GATA3: variants seen among roughly 807,000 people sequenced by gnomAD.
GATA3 encodes the protein trans-acting T-cell-specific transcription factor GATA-3.
A neutral mutation model predicts 36.0 loss-of-function variants in GATA3; 6 were observed. That is an observed-to-expected ratio of 0.17 (90% CI 0.09 to 0.33). The LOEUF is 0.33. Ranked by LOEUF, GATA3 falls within the 10% of genes least tolerant of loss-of-function variation. The pLI is 1.00. For synonymous variants in GATA3, 326 were observed against 273.0 expected, an observed-to-expected ratio of 1.19 and a Z score of -1.92; for missense variants, 514 against 610.1, an observed-to-expected ratio of 0.84 and a Z score of 1.66.
At chr10:8,053,099 T>A (rs1007522550), upstream of GATA3, 1 of 152,194 alleles carries the variant, frequency 6.6e-6, no homozygotes, top group African/African-American at 2.4e-5. The surrounding 1 kb of genome is among the most constrained non-coding windows in gnomAD (Gnocchi z 5.1). Flanking sequence ...GATAGTGTTT[T>A]AAAACACGAC....
intron 3 of GATA3, among the ~76,000 whole-genome samples, chr10:8,060,520 ATTTCT>A (rs1832729583): frequency 8.2e-6 from 1 of 121,730 alleles, no homozygotes; most frequent in African/African-American, 2.9e-5. Flanking sequence ...TTGTGATGGG[ATTTCT>A]TTTCTTTTTC....
chr10:8,046,648 A>AGTGTGTGTGTGT lies in GATA3; in HGVS notation c.-370+1166_-370+1177dup, dbSNP rs55947422. 8.1e-4 allele frequency among the ~76,000 whole-genome samples: 111 copies of AGTGTGTGTGTGT among 137,864 alleles called. 1 individual carries two copies. Among genetic ancestry groups the AGTGTGTGTGTGT allele is most frequent in the Non-Finnish European group, 1.2e-3 (79 of 64,438 alleles). The allele number at this position is 137,864 out of a possible 152,430, so 90.4% of individuals were successfully genotyped here. A position where few individuals can be genotyped will look rare whatever the true frequency, so the allele number is the denominator to read the frequency against. On this transcript the variant is annotated intron_variant, in intron 1 of 1. Coordinates refer to the GATA3 transcript ENST00000643001. The stretch of plus-strand genomic sequence containing the variant: ...ATGCTTGGGGGCCCAAATGGCTGGC[A>AGTGTGTGTGTGT]GTGTGTGTGTGTGTGTGTGTGTGTG...
At chr10:8,046,043 G>A (rs777121172) in intron 1 of GATA3, among the ~76,000 whole-genome samples, 5 of 152,292 alleles carry the variant, frequency 3.3e-5, no homozygotes, top group Non-Finnish European at 7.3e-5. Context: ...GCATACCCCC[G>A]GGAAGCTAGG....
At chr10:8,049,899 G>A (rs1214441348), upstream of GATA3, among the ~76,000 whole-genome samples, 1 of 152,194 alleles carries the variant, frequency 6.6e-6, no homozygotes, top group Non-Finnish European at 1.5e-5. Context: ...CAGTTTTCAC[G>A]GCCCGGTCCT....
In GATA3 at chr10:8,058,579, G is replaced by C; in HGVS notation, c.516G>C (p.Ser172=). 1.2e-6 allele frequency: 2 copies of C among 1,612,034 alleles called. No individual in the cohort carries two copies. The highest frequency in any genetic ancestry group is 1.7e-6 in the Non-Finnish European group (2 of 1,179,866). The stretch of plus-strand genomic sequence containing the variant: ...ACCCATCGCTGTCCACCCCAGGCTC[G>C]GCCGGCTCGGCCCGGCAGGACGAGA... ...SPDPSLSTPG[S]AGSARQDEKE... Residue 172 remains serine, a synonymous_variant, in exon 3 of 6, where the codon TCG becomes TCC. Coordinates refer to ENST00000379328, the MANE Select transcript of GATA3 (RefSeq NM_001002295.2).
upstream of GATA3, chr10:8,051,357 C>A (rs553300767): frequency 2.9e-4 from 81 of 274,910 alleles, no homozygotes; most frequent in African/African-American, 1.8e-3. Flanking sequence ...ACCCGCACGC[C>A]GCCCCGGGCC....
Position 8,047,474 on chromosome 10 carries a change from G to C in GATA3, c.-370+1959G>C, listed in dbSNP as rs147743962. On this transcript the variant is annotated intron_variant, in intron 1 of 1. Transcript: ENST00000643001. Reference sequence around the variant, plus strand: ...CATTCTTCTCCTGGTATATCTTTGTGTGCAGACCAAATCTTTCCCATCACC... The same window carrying C: ...CATTCTTCTCCTGGTATATCTTTGTCTGCAGACCAAATCTTTCCCATCACC... Among the ~76,000 whole-genome samples, 25 of 152,332 alleles carry C rather than the reference G, an allele frequency of 1.6e-4. No individual in the cohort carries two copies. In the East Asian group the frequency reaches 4.6e-3, roughly 28 times the overall value.
At chr10:8,051,366 C>T (rs1284520999), upstream of GATA3, 1 of 281,810 alleles carries the variant, frequency 3.5e-6, no homozygotes, top group Non-Finnish European at 7.4e-6. Flanking sequence ...CCGCCCCGGG[C>T]CCCGGCTCCT....
chr10:8,070,417 A>C (rs551566786), intron 5 of GATA3, among the ~76,000 whole-genome samples: 2 of 151,402 alleles, frequency 1.3e-5, no homozygotes, highest in African/African-American at 2.4e-5. Flanking sequence ...TCTGGCTCAG[A>C]GGCCATGATT....
intron 3 of GATA3, among the ~76,000 whole-genome samples, chr10:8,059,076 G>A (rs974768283): frequency 6.6e-6 from 1 of 152,132 alleles, no homozygotes; most frequent in African/African-American, 2.4e-5. Context: ...CCAATGAGCT[G>A]GGATAGGAAA....
At chr10:8,046,119 A>T (rs1000514237) in intron 1 of GATA3, among the ~76,000 whole-genome samples, 2 of 152,170 alleles carry the variant, frequency 1.3e-5, no homozygotes, top group South Asian at 4.1e-4. Flanking sequence ...GCCTCCCCAG[A>T]GGGTGCCCAG....
chr10:8,068,910 T>C (rs1832887440), intron 4 of GATA3, among the ~76,000 whole-genome samples: 1 of 152,250 alleles, frequency 6.6e-6, no homozygotes, highest in South Asian at 2.1e-4. Flanking sequence ...GTTGGCACAC[T>C]GTTCTCTTTA....
chr10:8,069,673 C>T, intron 5 of GATA3, 75 bp downstream of exon 5: 1 of 1,546,150 alleles, frequency 6.5e-7, no homozygotes. Flanking sequence ...CCACCACCCT[C>T]TCCAAGTGAA....
intron 3 of GATA3, among the ~76,000 whole-genome samples, chr10:8,063,149 G>A (rs1375731332): frequency 1.3e-5 from 2 of 152,136 alleles, no homozygotes; most frequent in Middle Eastern, 3.2e-3. Flanking sequence ...CAGCCACCCC[G>A]CTTTGTTAAC....
chr10:8,069,120 A>G (rs928763286), intron 4 of GATA3, among the ~76,000 whole-genome samples: 1 of 152,156 alleles, frequency 6.6e-6, no homozygotes, highest in African/African-American at 2.4e-5. Context: ...GAGGCTGGCT[A>G]ATTCAAAATT....
upstream of GATA3, among the ~76,000 whole-genome samples, chr10:8,048,942 C>T (rs1275276189): frequency 6.6e-6 from 1 of 151,106 alleles, no homozygotes; most frequent in Non-Finnish European, 1.5e-5. Context: ...GAGGCCGGGG[C>T]CGGGCTGGGG....
Position 8,057,706 on chromosome 10 carries a change from C to T in GATA3, c.242-599C>T, listed in dbSNP as rs942311207. ...CTGAGCAAGCACTGGGTTAGGTTTC[C>T]GGAAACTAACCCTGAAAGTCTCCTG... On this transcript the variant is annotated intron_variant, in intron 2 of 5. Transcript: ENST00000379328. Among the ~76,000 whole-genome samples the T allele has an allele frequency of 7.9e-5, 12 of 152,150 alleles. 1 individual carries two copies. The highest frequency in any genetic ancestry group is 5.9e-4 in the Admixed American group (9 of 15,278).
At chr10:8,050,120 G>A (rs995745191), upstream of GATA3, among the ~76,000 whole-genome samples, 2 of 152,236 alleles carry the variant, frequency 1.3e-5, no homozygotes, top group African/African-American at 4.8e-5. Context: ...AAGGAAAGAA[G>A]CCGGCGCCTC....
Position 8,058,593 on chromosome 10 carries a change from G to A in GATA3, c.530G>A (p.Arg177Gln), listed in dbSNP as rs528856735. ...LSTPGSAGSARQDEKECLKYQ... is the reference protein window; with the variant it reads ...LSTPGSAGSAQQDEKECLKYQ... ...ACCCCAGGCTCGGCCGGCTCGGCCC[G>A]GCAGGACGAGAAAGAGTGCCTCAAG... The change falls in exon 3 of 6, where the codon CGG becomes CAG. Residue 177 changes from arginine to glutamine, a missense_variant. Arg to Gln is a conservative substitution (Grantham distance 43, BLOSUM62 1). Around this residue, in one of 3 missense-constraint regions of GATA3, gnomAD observed 381 missense variants for 354.3 expected, o/e 1.08. Transcript: ENST00000379328. 4 of 1,610,798 alleles carry A rather than the reference G, an allele frequency of 2.5e-6. No individual in the cohort carries two copies. The highest frequency in any genetic ancestry group is 1.3e-5 in the African/African-American group (1 of 74,656).
Sources: gnomAD v4.1 joint callset for allele counts (sites outside exome capture counted in the v4.1 genomes callset) on GRCh38, gnomAD v4.1.1 for gene constraint, gnomAD v4.1.1 regional missense constraint, Gnocchi (gnomAD v3.1) non-coding constraint, MANE v1.5 for transcripts, NCBI Gene and HGNC (gene_info 2026-07-23, HGNC 2026-07-21) for gene names.